Variants in MYBL1 observed in about 807,000 individuals in gnomAD.
MYBL1 encodes myb-related protein A.
In MYBL1, 17 loss-of-function variants were observed where a neutral mutation model predicts 96.3. That is an observed-to-expected ratio of 0.18 (90% CI 0.12 to 0.26). The LOEUF (loss-of-function observed/expected upper bound fraction) is 0.26. MYBL1 is among the 10% of genes least tolerant of loss of function. The pLI is 1.00. For synonymous variants in MYBL1, 282 were observed against 292.7 expected (o/e 0.96, Z 0.37); for missense variants, 701 against 882.9 (o/e 0.79, Z 2.61).
intron 11 of MYBL1, among the ~76,000 whole-genome samples, chr8:66,573,057 A>G (rs1008506647): frequency 2.6e-5 from 4 of 152,032 alleles, no homozygotes; most frequent in Admixed American, 6.6e-5. Flanking sequence ...TCTACTACAT[A>G]CACAATATTA....
Position 66,563,808 on chromosome 8 carries a change from T to C in MYBL1, c.*889A>G, listed in dbSNP as rs189376264. ...ATTTAGGTAGATGTGACATACAGTATAGATATTGTATTCTTTGCAGCTATA... is the reference window on the plus strand; with the variant it reads ...ATTTAGGTAGATGTGACATACAGTACAGATATTGTATTCTTTGCAGCTATA... On this transcript the variant is annotated 3_prime_UTR_variant, in exon 16 of 16. Coordinates refer to ENST00000522677, the MANE Select transcript of MYBL1 (RefSeq NM_001080416.4). The C allele has an allele frequency of 6.6e-6, 1 of 152,638 alleles. No individual in the cohort carries two copies. The highest frequency in any genetic ancestry group is 6.5e-5 in the Admixed American group (1 of 15,286). The allele number at this position is 152,638 out of a possible 1,614,324, so 9.5% of individuals were successfully genotyped here.
chr8:66,566,152 A>G lies in MYBL1; in HGVS notation c.2042T>C (p.Ile681Thr). ...RCNLIPEKQD[I>T]NSTNKTYTLT... ...TGTATATGTTTTGTTGGTTGAATTT[A>G]TATCTTGTTTTTCAGGAATCAAGTT... The change falls in exon 15 of 16, where the codon ATA (isoleucine) becomes ACA (threonine). Residue 681 changes from isoleucine to threonine, a missense_variant. Ile to Thr is a moderately conservative substitution (Grantham distance 89, BLOSUM62 -1). Around this residue, in one of 5 missense-constraint regions of MYBL1, gnomAD observed 137 missense variants for 137.5 expected, o/e 1.00. Transcript: ENST00000522677. 2 of 1,540,102 alleles carry G rather than the reference A, an allele frequency of 1.3e-6. No homozygotes were observed.
At position 66,592,480 on chromosome 8, in the gene MYBL1, A is replaced by C; in HGVS notation, c.827T>G (p.Met276Arg). ...TCTTCTAACTTCATTCTCAGCTGAC[A>C]TAAGAAGCATCTCAAGTTCCTTTAT... ...KKIKELEMLL[M>R]SAENEVRRKR... Residue 276 changes from methionine (M) to arginine (R), a missense_variant, in exon 8 of 16, where the codon ATG (methionine) becomes AGG (arginine). Around this residue, in one of 5 missense-constraint regions of MYBL1, gnomAD observed 396 missense variants for 407.4 expected, o/e 0.97. Coordinates refer to ENST00000522677, the MANE Select transcript of MYBL1 (RefSeq NM_001080416.4). The C allele has an allele frequency of 1.9e-6, 3 of 1,603,548 alleles. No homozygotes were observed. The highest frequency in any genetic ancestry group is 2.2e-5 in the East Asian group (1 of 44,660).
rs1171416180 is a variant in MYBL1 at position 66,601,779 on chromosome 8, C to T, written c.127-10G>A. 1.4e-6 allele frequency: 2 copies of T among 1,457,604 alleles called. No individual in the cohort carries two copies. The highest frequency in any genetic ancestry group is 1.4e-5 in the African/African-American group (1 of 70,882). 90.3% of individuals were successfully genotyped at this position (1,457,604 alleles called of 1,614,324 possible). On this transcript the variant is annotated splice_polypyrimidine_tract_variant and intron_variant, in intron 2 of 15. Coordinates refer to ENST00000522677, the MANE Select transcript of MYBL1 (RefSeq NM_001080416.4). ...TCTTTAATTTATCATCCTATTAAAACAGTACAAAAATTAGAAAGCTTTCCC... is the reference window on the plus strand; with the variant it reads ...TCTTTAATTTATCATCCTATTAAAATAGTACAAAAATTAGAAAGCTTTCCC...
At chr8:66,568,218 T>A (rs1328240289) in intron 12 of MYBL1, among the ~76,000 whole-genome samples, 1 of 152,186 alleles carries the variant, frequency 6.6e-6, no homozygotes, top group Non-Finnish European at 1.5e-5. Flanking sequence ...TCATCTAGAC[T>A]GAGACATACA....
chr8:66,612,695 C>T, intron 1 of MYBL1, 124 bp downstream of exon 1: 1 of 1,178,626 alleles, frequency 8.5e-7, no homozygotes, highest in African/African-American at 1.6e-5. Context: ...GCCGCGGGGA[C>T]GCGGGAAGAA....
At chr8:66,593,507 C>G (rs1809733506) in intron 6 of MYBL1, among the ~76,000 whole-genome samples, 1 of 152,088 alleles carries the variant, frequency 6.6e-6, no homozygotes, top group Non-Finnish European at 1.5e-5. Flanking sequence ...TAAACATCTA[C>G]TATTAGAAGG....
chr8:66,596,367 C>T (rs1809849947), intron 5 of MYBL1, among the ~76,000 whole-genome samples: 2 of 152,064 alleles, frequency 1.3e-5, no homozygotes, highest in African/African-American at 4.8e-5. Context: ...CTAAGGTTCC[C>T]TTTATAAAAA....
At chr8:66,588,017 T>C (rs1586578022) in intron 8 of MYBL1, among the ~76,000 whole-genome samples, 2 of 152,320 alleles carry the variant, frequency 1.3e-5, no homozygotes, top group South Asian at 2.1e-4. Context: ...ATGTGTTTTA[T>C]AAATAAAAGA....
chr8:66,563,031 T>C lies in MYBL1; in HGVS notation c.*1666A>G, dbSNP rs1808383874. 6.6e-6 allele frequency: 1 copy of C among 152,340 alleles called. No individual in the cohort carries two copies. Among genetic ancestry groups the C allele is most frequent in the African/African-American group, 2.4e-5 (1 of 41,378 alleles). 9.4% of individuals were successfully genotyped at this position (152,340 alleles called of 1,614,324 possible). On this transcript the variant is annotated 3_prime_UTR_variant, in exon 16 of 16. Coordinates refer to ENST00000522677, the MANE Select transcript of MYBL1 (RefSeq NM_001080416.4). ...AGCATTAAAATACTTAGTATTTCCA[T>C]TTCTATTAACATACAAACAGAGCAG...
chr8:66,585,820 C>T (rs936927609), intron 8 of MYBL1, among the ~76,000 whole-genome samples: 1 of 152,000 alleles, frequency 6.6e-6, no homozygotes, highest in Non-Finnish European at 1.5e-5. Flanking sequence ...ACCTCAAAAA[C>T]ACAGGCAGTA....
In MYBL1 at chr8:66,564,834, G is replaced by T; in HGVS notation, c.2131-9C>A. On this transcript the variant is annotated splice_polypyrimidine_tract_variant and intron_variant, in intron 15 of 15. Coordinates refer to ENST00000522677, the MANE Select transcript of MYBL1 (RefSeq NM_001080416.4). The stretch of plus-strand genomic sequence containing the variant: ...TCCCATTCACAATTTGACTAGAAAG[G>T]AAATATTAATAGTGACATGAAAATT... 1.3e-6 allele frequency: 2 copies of T among 1,543,834 alleles called. No homozygotes were observed. Among genetic ancestry groups the T allele is most frequent in the Admixed American group, 1.9e-5 (1 of 52,092 alleles).
intron 1 of MYBL1, among the ~76,000 whole-genome samples, chr8:66,606,592 C>T (rs1050291923): frequency 6.6e-6 from 1 of 152,150 alleles, no homozygotes; most frequent in Non-Finnish European, 1.5e-5. Context: ...TTTGTAGGAA[C>T]GTCTAACTTC....
rs758489571 is a variant in MYBL1, at chr8:66,572,493, G to A, written c.1717C>T (p.Leu573Phe). 1.2e-5 allele frequency: 18 copies of A among 1,557,882 alleles called. No individual in the cohort carries two copies. The South Asian group carries it at 1.7e-4, about 15-fold the overall frequency. ...ATGAATATACATACCACAATTTTAA[G>A]AGGTCCATATTTTTTCTCCTGAGCA... ...LAAQEKKYGPLKIVSQPLAFL... is the reference protein window; with the variant it reads ...LAAQEKKYGPFKIVSQPLAFL... The change falls in exon 12 of 16, where the codon CTT (leucine) becomes TTT (phenylalanine). Residue 573 changes from leucine (L) to phenylalanine (F), a missense_variant. Transcript: ENST00000522677.
chr8:66,566,221 G>T lies in MYBL1; in HGVS notation c.1973C>A (p.Ser658Tyr). 1 of 1,486,942 alleles carries T rather than the reference G, an allele frequency of 6.7e-7. No homozygotes were observed. The allele number at this position is 1,486,942 out of a possible 1,614,324, so 92.1% of individuals were successfully genotyped here. Residue 658 changes from serine (S) to tyrosine (Y), a missense_variant, in exon 15 of 16, where the codon TCC becomes TAC. By Grantham distance (144) the Ser-to-Tyr change is moderately radical. This residue lies in a region of MYBL1 where 137 missense variants were observed against 137.5 expected (regional missense o/e 1.00). Coordinates refer to ENST00000522677, the MANE Select transcript of MYBL1 (RefSeq NM_001080416.4). ...TTCCAATAATGGTATCATTAATAAG[G>T]ATGTAGTAAATCTATTTTCTGACTA... ...DMQSENRFTT[S>Y]LLMIPLLEIH...
Position 66,566,733 on chromosome 8 carries a change from T to C in MYBL1, c.1901A>G (p.Lys634Arg), listed in dbSNP as rs779666383. The C allele has an allele frequency of 2.5e-6, 4 of 1,610,428 alleles. No individual in the cohort carries two copies. In the African/African-American group the frequency reaches 4.0e-5, roughly 16 times the overall value. The change falls in exon 14 of 16, where the codon AAA (lysine) becomes AGA (arginine). Residue 634 changes from lysine to arginine, a missense_variant. This residue lies in a region of MYBL1 where 137 missense variants were observed against 137.5 expected (regional missense o/e 1.00). Transcript: ENST00000522677. ...RKSLVLDNWE[K>R]EESGTQLLTE... ...CAACAGTTGAGTGCCTGATTCTTCT[T>C]TTTCCCAATTATCTAAGACTAGTGA...
intron 8 of MYBL1, 25 bp downstream of exon 8, chr8:66,592,415 T>C (rs1192313296): frequency 7.0e-7 from 1 of 1,436,998 alleles, no homozygotes; most frequent in Non-Finnish European, 9.6e-7. Flanking sequence ...ATTCTAACAA[T>C]ACAAATAACA....
In MYBL1 at chr8:66,564,806, G is replaced by A; in HGVS notation, c.2150C>T (p.Thr717Ile). The stretch of plus-strand genomic sequence containing the variant: ...GTCTTCTGTCTTCCCATAAACCACT[G>A]TTTCCCATTCACAATTTGACTAGAA... ...KNLQSNCEWETVVYGKTEDQL... is the reference protein window; with the variant it reads ...KNLQSNCEWEIVVYGKTEDQL... Residue 717 changes from threonine (T) to isoleucine (I), a missense_variant, in exon 16 of 16, where the codon ACA becomes ATA. Physicochemically the swap from Thr to Ile is moderately conservative, Grantham distance 89. Around this residue, in one of 5 missense-constraint regions of MYBL1, gnomAD observed 137 missense variants for 137.5 expected, o/e 1.00. Transcript: ENST00000522677. 1 of 1,568,530 alleles carries A rather than the reference G, an allele frequency of 6.4e-7. No homozygotes were observed. Among genetic ancestry groups the A allele is most frequent in the Non-Finnish European group, 8.7e-7 (1 of 1,152,906 alleles).
At chr8:66,608,490 C>CA (rs934122714) in intron 1 of MYBL1, among the ~76,000 whole-genome samples, 43 of 150,990 alleles carry the variant, frequency 2.8e-4, no homozygotes, top group Non-Finnish European at 5.0e-4. Flanking sequence ...TACATGAGAC[C>CA]AAAAAAAAGA....
Sources: gnomAD v4.1 joint callset for allele counts (sites outside exome capture counted in the v4.1 genomes callset) on GRCh38, gnomAD v4.1.1 for gene constraint, gnomAD v4.1.1 regional missense constraint, MANE v1.5 for transcripts, NCBI Gene and HGNC (gene_info 2026-07-23, HGNC 2026-07-21) for gene names.